SLC25A21: variants seen among roughly 807,000 people sequenced by gnomAD.
The protein encoded by SLC25A21 is mitochondrial 2-oxodicarboxylate carrier.
A neutral mutation model predicts 43.8 loss-of-function variants in SLC25A21; 47 were observed. That is an observed-to-expected ratio of 1.07 (90% CI 0.85 to 1.37). The LOEUF (loss-of-function observed/expected upper bound fraction) is 1.37, where lower values mean the gene tolerates loss of function less well. Ranked by LOEUF, SLC25A21 falls within the 40% of genes most tolerant of loss-of-function variation. The pLI, the probability that SLC25A21 is intolerant of heterozygous loss-of-function variation, is 0.00. For missense variants in SLC25A21, 352 were observed against 350.2 expected, an observed-to-expected ratio of 1.00 and a Z score of -0.04; for synonymous variants, 131 against 121.3, an observed-to-expected ratio of 1.08 and a Z score of -0.52.
chr14:36,983,722 C>A (rs540367832), intron 1 of SLC25A21, among the ~76,000 whole-genome samples: 1 of 152,236 alleles, frequency 6.6e-6, no homozygotes, highest in Non-Finnish European at 1.5e-5. Context: ...ATACCAAAGT[C>A]ATGGAATCAA....
In SLC25A21 at chr14:37,114,812, T is replaced by C. The variant is rs1030739914; in HGVS notation, c.70+57469A>G. On this transcript the variant is annotated intron_variant, in intron 1 of 9. Coordinates refer to ENST00000331299, the MANE Select transcript of SLC25A21 (RefSeq NM_030631.4). ...GCGGGGGGGGAATTGGTGGTTTTCA[T>C]TGGTGGTTTTCATTCTTGTTTTTCA... is the stretch of plus-strand genomic sequence containing the variant. Among the ~76,000 whole-genome samples the C allele has an allele frequency of 1.2e-4, 18 of 151,994 alleles. No individual in the cohort carries two copies. The East Asian group carries it at 1.4e-3, about 11-fold the overall frequency.
chr14:36,855,406 G>T (rs555840915), intron 2 of SLC25A21, among the ~76,000 whole-genome samples: 3 of 152,264 alleles, frequency 2.0e-5, no homozygotes, highest in South Asian at 4.1e-4. Context: ...ACTGGATATT[G>T]GGTAGCGAAG....
rs113823343 is a variant in SLC25A21, at chr14:37,024,640, T to TAA, written c.70+147639_70+147640dup. Among the ~76,000 whole-genome samples the TAA allele has an allele frequency of 2.0e-5, 3 of 151,126 alleles. No homozygotes were observed. The Admixed American group carries it at 2.0e-4, about 10-fold the overall frequency. On this transcript the variant is annotated intron_variant, in intron 1 of 9. Coordinates refer to ENST00000331299, the MANE Select transcript of SLC25A21 (RefSeq NM_030631.4). ...TTAGAGGCAGAAGATAATATTGCTTTAAAAAAAAACAGATCAACAGCTTTA... is the reference window on the plus strand; with the variant it reads ...TTAGAGGCAGAAGATAATATTGCTTTAAAAAAAAAAACAGATCAACAGCTTTA...
At chr14:36,784,918 G>A (rs150294048) in intron 3 of SLC25A21, among the ~76,000 whole-genome samples, 6 of 152,226 alleles carry the variant, frequency 3.9e-5, no homozygotes, top group Non-Finnish European at 7.4e-5. Flanking sequence ...TTAATGTAGG[G>A]AGCAAAGAAT....
At chr14:37,069,574 T>C (rs1383851933) in intron 1 of SLC25A21, among the ~76,000 whole-genome samples, 1 of 152,222 alleles carries the variant, frequency 6.6e-6, no homozygotes, top group East Asian at 1.9e-4. Context: ...TTAATTTTAA[T>C]CAGTTTCAGC....
intron 1 of SLC25A21, among the ~76,000 whole-genome samples, chr14:36,930,239 G>C (rs1050607891): frequency 6.6e-6 from 1 of 152,102 alleles, no homozygotes; most frequent in Non-Finnish European, 1.5e-5. Flanking sequence ...ACCAAGTTTT[G>C]GCTAGCTAAA....
intron 1 of SLC25A21, among the ~76,000 whole-genome samples, chr14:37,031,778 T>C (rs574384413): frequency 6.6e-6 from 1 of 152,310 alleles, no homozygotes; most frequent in African/African-American, 2.4e-5. Context: ...TCATTTTACA[T>C]ATGAGGCTAC....
chr14:36,977,954 T>TAA (rs36000189), intron 1 of SLC25A21, among the ~76,000 whole-genome samples: 349 of 121,096 alleles, frequency 2.9e-3, no homozygotes, highest in East Asian at 0.011. Flanking sequence ...TTTTTTTTTT[T>TAA]AAAAAAAAAA....
intron 1 of SLC25A21, among the ~76,000 whole-genome samples, chr14:37,087,241 G>A (rs1356181898): frequency 6.6e-6 from 1 of 152,054 alleles, no homozygotes; most frequent in Non-Finnish European, 1.5e-5. Flanking sequence ...AAGCATCATG[G>A]ACCAAATAAG....
At chr14:36,816,171 A>G (rs1024503723) in intron 2 of SLC25A21, among the ~76,000 whole-genome samples, 4 of 152,154 alleles carry the variant, frequency 2.6e-5, no homozygotes, top group African/African-American at 9.7e-5. Flanking sequence ...TAAAGTGGAA[A>G]GTTGCTAGAT....
chr14:37,091,571 C>T (rs965793144), intron 1 of SLC25A21, among the ~76,000 whole-genome samples: 3 of 152,076 alleles, frequency 2.0e-5, no homozygotes, highest in Non-Finnish European at 2.9e-5. Flanking sequence ...AGTATGACAA[C>T]GGAAACAGGA....
intron 2 of SLC25A21, among the ~76,000 whole-genome samples, chr14:36,863,781 C>G (rs1890138109): frequency 6.6e-6 from 1 of 152,198 alleles, no homozygotes; most frequent in Non-Finnish European, 1.5e-5. Context: ...TGGGTCACAG[C>G]AGCAGCAGAA....
chr14:37,167,355 C>T (rs895048994), intron 1 of SLC25A21, among the ~76,000 whole-genome samples: 2 of 152,100 alleles, frequency 1.3e-5, no homozygotes, highest in African/African-American at 2.4e-5. Flanking sequence ...ACGCAGATTC[C>T]GATATGGTAG....
intron 1 of SLC25A21, among the ~76,000 whole-genome samples, chr14:37,058,329 G>C (rs182212995): frequency 4.6e-5 from 7 of 152,218 alleles, no homozygotes; most frequent in African/African-American, 1.7e-4. Flanking sequence ...GAAGATTTCA[G>C]GTTGTTAAAC....
At chr14:36,903,274 A>G (rs1349364821) in intron 1 of SLC25A21, among the ~76,000 whole-genome samples, 7 of 152,152 alleles carry the variant, frequency 4.6e-5, no homozygotes, top group African/African-American at 1.2e-4. Flanking sequence ...TCGCCCAAGC[A>G]TTCAGCAATG....
chr14:36,911,438 T>C (rs712390), intron 1 of SLC25A21, among the ~76,000 whole-genome samples: 73,746 of 152,012 alleles, frequency 0.49, 19,766 homozygotes, highest in East Asian at 0.99. Context: ...AGCCAACAAT[T>C]GTATTCCTGC....
At chr14:36,756,559 C>T (rs768662568) in intron 3 of SLC25A21, among the ~76,000 whole-genome samples, 1 of 152,144 alleles carries the variant, frequency 6.6e-6, no homozygotes, top group South Asian at 2.1e-4. Context: ...AAAATTCGGG[C>T]GGTCTTTCTT....
chr14:36,776,445 A>G (rs1886838291), intron 3 of SLC25A21, among the ~76,000 whole-genome samples: 1 of 151,550 alleles, frequency 6.6e-6, no homozygotes, highest in Admixed American at 6.6e-5. Flanking sequence ...TCACCGGGTT[A>G]GCCAGGATGG....
At chr14:36,769,614 C>T (rs1335667239) in intron 3 of SLC25A21, among the ~76,000 whole-genome samples, 2 of 152,136 alleles carry the variant, frequency 1.3e-5, no homozygotes, top group African/African-American at 4.8e-5. Flanking sequence ...TTTATCTTTG[C>T]GTGGTGCATG....
Sources: gnomAD v4.1 joint callset for allele counts (sites outside exome capture counted in the v4.1 genomes callset) on GRCh38, gnomAD v4.1.1 for gene constraint, MANE v1.5 for transcripts, NCBI Gene and HGNC (gene_info 2026-07-23, HGNC 2026-07-21) for gene names.